Variants in AP3B2 observed in about 807,000 individuals in gnomAD.
The protein encoded by AP3B2 is adaptor related protein complex 3 subunit beta 2.
A neutral mutation model predicts 126.9 loss-of-function variants in AP3B2; 50 were observed. That is an observed-to-expected ratio of 0.39 (90% CI 0.31 to 0.50). The LOEUF is 0.50. Among genes scored for constraint, AP3B2 ranks in the 20% least tolerant of loss-of-function variants. The pLI is 0.79. For synonymous variants in AP3B2, 541 were observed against 565.0 expected (o/e 0.96, Z 0.60); for missense variants, 1,177 against 1,426.4 (o/e 0.83, Z 2.82).
chr15:82,697,990 GAC>G (rs2048656368), intron 1 of AP3B2: 2 of 152,690 alleles, frequency 1.3e-5, no homozygotes, highest in Non-Finnish European at 1.5e-5. Flanking sequence ...TAGGAAAAAT[GAC>G]AGAGCTGGGC....
intron 14 of AP3B2, among the ~76,000 whole-genome samples, chr15:82,672,373 C>T (rs1183283999): frequency 2.6e-5 from 4 of 152,152 alleles, no homozygotes; most frequent in Admixed American, 2.6e-4. Context: ...AAACAAACTT[C>T]ACATGTTCTC....
At chr15:82,661,064 C>T (rs2151426298) in intron 25 of AP3B2, among the ~76,000 whole-genome samples, 1 of 152,260 alleles carries the variant, frequency 6.6e-6, no homozygotes, top group African/African-American at 2.4e-5. Context: ...TCTCCTGGTT[C>T]TCCTCCCACC....
Position 82,664,973 on chromosome 15 carries a change from T to A in AP3B2, c.2029-30A>T, listed in dbSNP as rs1326627453. Reference sequence around the variant, plus strand: ...AGATGGGGGTAGGGTGCAGGGTCATTTCATCATGGTTGGGGAGAAGGCAGG... The same window carrying A: ...AGATGGGGGTAGGGTGCAGGGTCATATCATCATGGTTGGGGAGAAGGCAGG... On this transcript the variant is annotated intron_variant, in intron 17 of 26. Coordinates refer to ENST00000535359, the MANE Select transcript of AP3B2 (RefSeq NM_001278512.2). This position sits in a 1 kb window ranked among gnomAD's most constrained non-coding sequence, Gnocchi z 4.5. 5.9e-6 allele frequency: 9 copies of A among 1,518,066 alleles called. No individual in the cohort carries two copies. Among genetic ancestry groups the A allele is most frequent in the Non-Finnish European group, 9.0e-7 (1 of 1,105,806 alleles). The allele number at this position is 1,518,066 out of a possible 1,614,324, so 94.0% of individuals were successfully genotyped here.
chr15:82,705,618 C>A (rs1038867352), intron 1 of AP3B2, among the ~76,000 whole-genome samples: 2 of 152,178 alleles, frequency 1.3e-5, no homozygotes, highest in African/African-American at 4.8e-5. Flanking sequence ...TGTACTGCCG[C>A]AAGGCTTCAC....
At chr15:82,706,589 C>T (rs1428099632) in intron 1 of AP3B2, among the ~76,000 whole-genome samples, 2 of 152,002 alleles carry the variant, frequency 1.3e-5, no homozygotes, top group Admixed American at 1.3e-4. Context: ...TCCCTCATGG[C>T]CAGTTTTTCT....
chr15:82,708,394 T>A (rs924585532), intron 1 of AP3B2, among the ~76,000 whole-genome samples: 1 of 152,144 alleles, frequency 6.6e-6, no homozygotes, highest in African/African-American at 2.4e-5. Flanking sequence ...CACATGGACG[T>A]GCGTGAAAAT....
rs1301147127 is a variant in AP3B2, at chr15:82,661,927, G to C, written c.2919-5C>G. 6.2e-7 allele frequency: 1 copy of C among 1,612,360 alleles called. No individual in the cohort carries two copies. The highest frequency in any genetic ancestry group is 1.3e-5 in the African/African-American group (1 of 75,016). On this transcript the variant is annotated splice_region_variant and splice_polypyrimidine_tract_variant and intron_variant, in intron 24 of 26. Coordinates refer to ENST00000535359, the MANE Select transcript of AP3B2 (RefSeq NM_001278512.2). ...TAGAACTGTCGGGTCTGGGTGCTGG[G>C]AGGGGTGGGAGGAAACGGAGAAGAA...
chr15:82,709,618 C>T lies in AP3B2; in HGVS notation c.89G>A (p.Gly30Asp). 6.6e-7 allele frequency: 1 copy of T among 1,513,502 alleles called. No homozygotes were observed. The highest frequency in any genetic ancestry group is 8.8e-7 in the Non-Finnish European group (1 of 1,132,814). The allele number at this position is 1,513,502 out of a possible 1,614,324, so 93.8% of individuals were successfully genotyped here. A position where few individuals can be genotyped will look rare whatever the true frequency, so the allele number is the denominator to read the frequency against. Residue 30 changes from glycine (G) to aspartate (D), a missense_variant, in exon 1 of 27, where the codon GGC becomes GAC. Physicochemically the swap from Gly to Asp is moderately conservative, Grantham distance 94. This residue lies in a region of AP3B2 where 130 missense variants were observed against 262.0 expected (regional missense o/e 0.50). Transcript: ENST00000535359. ...PEYGHDPASG[G>D]IFSSDYKRHD... ...CCGCTTGTAGTCGGAGGAGAAGATG[C>T]CGCCGCTCGCGGGGTCGTGGCCGTA...
At position 82,700,474 on chromosome 15, in the gene AP3B2, C is replaced by T. The variant is rs1428713236; in HGVS notation, c.113+9120G>A. On this transcript the variant is annotated intron_variant, in intron 1 of 26. Coordinates refer to ENST00000535359, the MANE Select transcript of AP3B2 (RefSeq NM_001278512.2). ...AGTGTAATGGCGTGATCTCGGCTCA[C>T]TGCAACCTCCGTCTCCTGGGTTCAA... Among the ~76,000 whole-genome samples, 4 of 138,966 alleles carry T rather than the reference C, an allele frequency of 2.9e-5. 1 individual carries two copies. The highest frequency in any genetic ancestry group is 6.1e-5 in the Non-Finnish European group (4 of 65,862). The allele number at this position is 138,966 out of a possible 152,430, so 91.2% of individuals were successfully genotyped here.
intron 21 of AP3B2, 148 bp from the exon 22 acceptor site, chr15:82,663,381 G>C: frequency 1.0e-6 from 1 of 974,802 alleles, no homozygotes; most frequent in South Asian, 1.4e-5. Flanking sequence ...CCCATTCCTA[G>C]ACCTCAACCC....
chr15:82,662,260 G>A lies in AP3B2; in HGVS notation c.2834-8C>T. 2 of 1,588,446 alleles carry A rather than the reference G, an allele frequency of 1.3e-6. No homozygotes were observed. The highest frequency in any genetic ancestry group is 1.7e-6 in the Non-Finnish European group (2 of 1,166,252). ...CTCCAGGTGCCAGGGACTCTGAAGT[G>A]GTATAAGGCAGTGAAGGGGAGAGGG... On this transcript the variant is annotated splice_region_variant and splice_polypyrimidine_tract_variant and intron_variant, in intron 23 of 26. Coordinates refer to ENST00000535359, the MANE Select transcript of AP3B2 (RefSeq NM_001278512.2).
intron 14 of AP3B2, among the ~76,000 whole-genome samples, chr15:82,672,841 G>A (rs1022862203): frequency 1.3e-5 from 2 of 152,228 alleles, no homozygotes; most frequent in Non-Finnish European, 2.9e-5. Context: ...AAGCATCCGT[G>A]TTGGGAGGCC....
chr15:82,709,434 G>A (rs948093256), intron 1 of AP3B2, among the ~76,000 whole-genome samples, 160 bp downstream of exon 1: 5 of 150,666 alleles, frequency 3.3e-5, no homozygotes, highest in African/African-American at 1.2e-4. Context: ...TGCCCGCGCT[G>A]GGCCGGGGCT....
intron 1 of AP3B2, chr15:82,692,420 G>A (rs973348617): frequency 1.6e-5 from 7 of 447,148 alleles, no homozygotes; most frequent in African/African-American, 1.2e-4. Context: ...GCTCTGAGGC[G>A]CTCAGCCGCA....
In AP3B2 at chr15:82,677,198, G is replaced by A. The variant is rs1175513767; in HGVS notation, c.1488+76C>T. 8 of 1,226,904 alleles carry A rather than the reference G, an allele frequency of 6.5e-6. No homozygotes were observed. In the East Asian group the frequency reaches 2.0e-4, roughly 30 times the overall value. 76.0% of individuals were successfully genotyped at this position (1,226,904 alleles called of 1,614,324 possible). The stretch of plus-strand genomic sequence containing the variant: ...TTGGAAGTTACTTTTGATAAGGCTA[G>A]CATATGTAATTATACAGTCTTGAAA... On this transcript the variant is annotated intron_variant, in intron 13 of 26. Coordinates refer to ENST00000535359, the MANE Select transcript of AP3B2 (RefSeq NM_001278512.2).
intron 14 of AP3B2, among the ~76,000 whole-genome samples, chr15:82,676,172 T>G (rs746462923): frequency 3.9e-5 from 6 of 152,218 alleles, no homozygotes; most frequent in Non-Finnish European, 7.3e-5. Flanking sequence ...CAATCAACTG[T>G]GGTTCTTCAC....
chr15:82,709,510 G>T, intron 1 of AP3B2, 84 bp downstream of exon 1: 1 of 991,948 alleles, frequency 1.0e-6, no homozygotes, highest in Non-Finnish European at 1.3e-6. Flanking sequence ...CGGCGCTGGG[G>T]CCGGGCGCTG....
chr15:82,687,590 C>T (rs1365784266), intron 4 of AP3B2: 1 of 152,174 alleles, frequency 6.6e-6, no homozygotes, highest in Non-Finnish European at 1.5e-5. Flanking sequence ...CATAGAGACA[C>T]CCAAGTATTT....
Position 82,680,691 on chromosome 15 carries a change from C to T in AP3B2, c.836G>A (p.Gly279Asp). ...FYGSEEDEAKGAGSEETAAAA... is the reference protein window; with the variant it reads ...FYGSEEDEAKDAGSEETAAAA... ...GGCGGCCGTCTCCTCAGACCCCGCGCCCTTGGCCTCGTCCTCCTCTGAGCC... is the reference window on the plus strand; with the variant it reads ...GGCGGCCGTCTCCTCAGACCCCGCGTCCTTGGCCTCGTCCTCCTCTGAGCC... Residue 279 changes from glycine to aspartate, a missense_variant, in exon 8 of 27, where the codon GGC (glycine) becomes GAC (aspartate). Transcript: ENST00000535359. The surrounding 1 kb of genome is among the most constrained non-coding windows in gnomAD (Gnocchi z 6.1). 1 of 1,571,716 alleles carries T rather than the reference C, an allele frequency of 6.4e-7. No individual in the cohort carries two copies. The highest frequency in any genetic ancestry group is 8.6e-7 in the Non-Finnish European group (1 of 1,162,952).
Sources: gnomAD v4.1 joint callset for allele counts (sites outside exome capture counted in the v4.1 genomes callset) on GRCh38, gnomAD v4.1.1 for gene constraint, gnomAD v4.1.1 regional missense constraint, Gnocchi (gnomAD v3.1) non-coding constraint, MANE v1.5 for transcripts, NCBI Gene and HGNC (gene_info 2026-07-23, HGNC 2026-07-21) for gene names.